Variants in SENP7 observed in about 807,000 individuals in gnomAD.
SENP7 encodes sentrin-specific protease 7.
In SENP7, 64 loss-of-function variants were observed where a neutral mutation model predicts 141.2. That is an observed-to-expected ratio of 0.45 (90% confidence interval 0.37 to 0.56). The LOEUF is 0.56. Ranked by LOEUF, SENP7 falls within the 20% of genes least tolerant of loss-of-function variation. The pLI is 0.00. For synonymous variants in SENP7, 382 were observed against 426.4 expected (o/e 0.90, Z 1.28); for missense variants, 1,025 against 1,212.2 (o/e 0.85, Z 2.29).
intron 9 of SENP7, 24 bp from the exon 10 acceptor site, chr3:101,365,015 T>C (rs1448658847): frequency 7.2e-7 from 1 of 1,380,018 alleles, no homozygotes; most frequent in Non-Finnish European, 9.6e-7. Context: ...GAAAAATGTA[T>C]TTTTGTTTAT....
At position 101,325,067 on chromosome 3, in the gene SENP7, G is replaced by A. The variant is rs921426204; in HGVS notation, c.*876C>T. 3.3e-5 allele frequency: 5 copies of A among 151,962 alleles called. No individual in the cohort carries two copies. The highest frequency in any genetic ancestry group is 7.4e-5 in the Non-Finnish European group (5 of 67,960). The allele number at this position is 151,962 out of a possible 1,614,324, so 9.4% of individuals were successfully genotyped here. A position where few individuals can be genotyped will look rare whatever the true frequency, so the allele number is the denominator to read the frequency against. ...ATTCTACCCATTAATAAATAGGACT[G>A]AGGGTTTTCTTTGTTAAAGTTATGA... On this transcript the variant is annotated 3_prime_UTR_variant, in exon 24 of 24. Coordinates refer to ENST00000394095, the MANE Select transcript of SENP7 (RefSeq NM_020654.5).
At chr3:101,417,930 A>C in intron 4 of SENP7, 140 bp from the exon 5 acceptor site, 1 of 630,142 alleles carries the variant, frequency 1.6e-6, no homozygotes, top group South Asian at 2.3e-5. Context: ...AAAAAGAAAA[A>C]ATGCCTAACT....
intron 6 of SENP7, among the ~76,000 whole-genome samples, chr3:101,382,247 G>A (rs1004259351): frequency 5.9e-5 from 9 of 152,142 alleles, no homozygotes; most frequent in Admixed American, 1.3e-4. Context: ...CTTGATCATC[G>A]CTCATTGTAA....
intron 18 of SENP7, 61 bp downstream of exon 18, chr3:101,332,709 C>A: frequency 8.7e-7 from 1 of 1,143,352 alleles, no homozygotes. Context: ...AATCTAAAAA[C>A]ACTACAAAAT....
At chr3:101,344,018 A>C in intron 13 of SENP7, 64 bp from the exon 14 acceptor site, 2 of 1,061,620 alleles carry the variant, frequency 1.9e-6, no homozygotes, top group Non-Finnish European at 2.6e-6. Flanking sequence ...TAATACAAGT[A>C]ATTTAATTAT....
chr3:101,482,134 C>T (rs1343821634), intron 3 of SENP7, among the ~76,000 whole-genome samples: 2 of 151,748 alleles, frequency 1.3e-5, no homozygotes, highest in Admixed American at 1.3e-4. Context: ...CAAGGTGAAA[C>T]CCTGTCTCTA....
intron 1 of SENP7, 107 bp downstream of exon 1, chr3:101,512,984 C>CT: frequency 7.8e-7 from 1 of 1,284,904 alleles, no homozygotes; most frequent in Non-Finnish European, 1.1e-6. Context: ...TCCCCGCCCC[C>CT]GCCCTCGCCC....
chr3:101,398,522 A>G (rs1021654513), intron 6 of SENP7, among the ~76,000 whole-genome samples: 2 of 152,190 alleles, frequency 1.3e-5, no homozygotes, highest in Non-Finnish European at 2.9e-5. Flanking sequence ...TAGATGGACA[A>G]ATAGAACAGA....
At chr3:101,386,232 T>C (rs1056190017) in intron 6 of SENP7, among the ~76,000 whole-genome samples, 6 of 152,050 alleles carry the variant, frequency 3.9e-5, no homozygotes, top group Non-Finnish European at 8.8e-5. Flanking sequence ...AATGAAGCAA[T>C]TGTCCTGGCT....
Position 101,326,003 on chromosome 3 carries a change from T to G in SENP7, c.3093A>C (p.Glu1031Asp). ...FPRHVIKTKREDIRELILKLH... is the reference protein window; with the variant it reads ...FPRHVIKTKRDDIRELILKLH... ...GTTTCAAGATGAGCTCTCGAATATC[T>G]TCCCGTTTGGTCTTTATTACATGAC... Residue 1031 changes from glutamate to aspartate, a missense_variant, in exon 24 of 24, where the codon GAA becomes GAC. Glu to Asp is a conservative substitution (Grantham distance 45). Coordinates refer to ENST00000394095, the MANE Select transcript of SENP7 (RefSeq NM_020654.5). 6.2e-7 allele frequency: 1 copy of G among 1,611,324 alleles called. No individual in the cohort carries two copies. Among genetic ancestry groups the G allele is most frequent in the South Asian group, 1.1e-5 (1 of 90,826 alleles).
At chr3:101,430,116 G>A (rs1196903621) in intron 4 of SENP7, among the ~76,000 whole-genome samples, 4 of 151,854 alleles carry the variant, frequency 2.6e-5, no homozygotes, top group Non-Finnish European at 4.4e-5. Flanking sequence ...TTTTCATATC[G>A]ATGTTCATCA....
intron 13 of SENP7, among the ~76,000 whole-genome samples, chr3:101,344,991 C>CAAAAAAAAAA (rs71132568): frequency 6.5e-5 from 4 of 61,342 alleles, no homozygotes; most frequent in South Asian, 9.7e-4. Context: ...AAAAAGAAAG[C>CAAAAAAAAAA]AAAAAAAAAA....
chr3:101,386,432 G>A (rs1381796641), intron 6 of SENP7, among the ~76,000 whole-genome samples: 1 of 152,164 alleles, frequency 6.6e-6, no homozygotes, highest in Non-Finnish European at 1.5e-5. Context: ...AACAGGGAGA[G>A]ATCATGCTGG....
At chr3:101,333,465 T>G (rs1200662818) in intron 17 of SENP7, among the ~76,000 whole-genome samples, 1 of 152,146 alleles carries the variant, frequency 6.6e-6, no homozygotes, top group Non-Finnish European at 1.5e-5. Flanking sequence ...TCTCAGGAGT[T>G]TGAGGCTGTG....
At chr3:101,500,884 T>G (rs2065350343) in intron 2 of SENP7, among the ~76,000 whole-genome samples, 186 bp downstream of exon 2, 1 of 152,196 alleles carries the variant, frequency 6.6e-6, no homozygotes, top group South Asian at 2.1e-4. Context: ...AGTCAACTAT[T>G]TAAACAAAGT....
intron 12 of SENP7, among the ~76,000 whole-genome samples, chr3:101,349,406 A>T (rs537957529): frequency 1.1e-4 from 17 of 152,186 alleles, no homozygotes; most frequent in Admixed American, 2.0e-4. Flanking sequence ...ATGAAAGCTA[A>T]ATTTTCTTTA....
intron 13 of SENP7, among the ~76,000 whole-genome samples, chr3:101,345,418 TTAGCTATATTCCTCCTTGGC>T (rs949242383): frequency 6.2e-4 from 95 of 152,276 alleles, no homozygotes; most frequent in Non-Finnish European, 1.1e-3. Context: ...CTTGTAGAGG[TTAGCTATATTCCTCCTTGGC>T]TAGCTATATT....
chr3:101,474,007 T>G (rs1369949739), intron 3 of SENP7, among the ~76,000 whole-genome samples: 1 of 152,228 alleles, frequency 6.6e-6, no homozygotes, highest in Non-Finnish European at 1.5e-5. Flanking sequence ...CCCCATTGCT[T>G]GTTTTTGTCA....
chr3:101,376,558 C>G (rs186837573), intron 6 of SENP7, among the ~76,000 whole-genome samples: 2 of 151,924 alleles, frequency 1.3e-5, no homozygotes, highest in East Asian at 1.9e-4. Flanking sequence ...ACCGCATGTT[C>G]TCACTCATAG....
Sources: gnomAD v4.1 joint callset for allele counts (sites outside exome capture counted in the v4.1 genomes callset) on GRCh38, gnomAD v4.1.1 for gene constraint, MANE v1.5 for transcripts, NCBI Gene and HGNC (gene_info 2026-07-23, HGNC 2026-07-21) for gene names.